The following SLC49A4 variants were observed in gnomAD, a reference collection of about 807,000 sequenced individuals.
SLC49A4 encodes disrupted in renal cancer protein 2.
In SLC49A4, 36 loss-of-function variants were observed where a neutral mutation model predicts 50.6. The observed-to-expected ratio is 0.71, with a 90% CI of 0.55 to 0.94. The LOEUF is 0.94. Among genes scored for constraint, SLC49A4 ranks in the 40% least tolerant of loss-of-function variants. SLC49A4 has a pLI of 0.00. For missense variants in SLC49A4, 503 were observed against 605.7 expected, an observed-to-expected ratio of 0.83 and a Z score of 1.78; for synonymous variants, 248 against 241.2, an observed-to-expected ratio of 1.03 and a Z score of -0.26.
At chr3:122,802,971 A>T (rs902976560) in intron 1 of SLC49A4, among the ~76,000 whole-genome samples, 1 of 152,200 alleles carries the variant, frequency 6.6e-6, no homozygotes, top group Non-Finnish European at 1.5e-5. Flanking sequence ...TCTCATAAGG[A>T]AAAGAGAGAG....
intron 1 of SLC49A4, among the ~76,000 whole-genome samples, chr3:122,796,496 C>T (rs1420625064): frequency 6.6e-6 from 1 of 152,154 alleles, no homozygotes; most frequent in African/African-American, 2.4e-5. Flanking sequence ...GTTCTGGAGG[C>T]TGGGAAGTCC....
At chr3:122,842,478 T>A (rs1247205082) in intron 4 of SLC49A4, among the ~76,000 whole-genome samples, 3 of 80,028 alleles carry the variant, frequency 3.7e-5, no homozygotes, top group African/African-American at 1.6e-4. Context: ...AGAGCGAGAC[T>A]CCGTCTCAAA....
At chr3:122,852,855 C>T (rs1186951200) in intron 5 of SLC49A4, among the ~76,000 whole-genome samples, 1 of 152,158 alleles carries the variant, frequency 6.6e-6, no homozygotes, top group Non-Finnish European at 1.5e-5. Context: ...AAATTGTCTC[C>T]AAATACCGTG....
intron 2 of SLC49A4, 44 bp downstream of exon 2, chr3:122,806,994 TATG>T: frequency 8.2e-7 from 1 of 1,221,796 alleles, no homozygotes. Flanking sequence ...TTCATTTTAT[TATG>T]TGTATAAATT....
At chr3:122,800,479 A>C (rs1165036508) in intron 1 of SLC49A4, among the ~76,000 whole-genome samples, 1 of 152,246 alleles carries the variant, frequency 6.6e-6, no homozygotes, top group Non-Finnish European at 1.5e-5. Flanking sequence ...GAATGTGGGT[A>C]CTAAGGAGGT....
chr3:122,877,804 C>T (rs954574557), intron 8 of SLC49A4, among the ~76,000 whole-genome samples: 36 of 151,428 alleles, frequency 2.4e-4, no homozygotes, highest in African/African-American at 8.5e-4. Context: ...CAGAAAATGC[C>T]CAGTGTGTCA....
chr3:122,797,781 G>T (rs1460154412), intron 1 of SLC49A4, among the ~76,000 whole-genome samples: 1 of 152,174 alleles, frequency 6.6e-6, no homozygotes, highest in Non-Finnish European at 1.5e-5. Context: ...AGGAGTTAGA[G>T]ACCAGCCTGG....
At chr3:122,853,151 C>T (rs1219183828) in intron 5 of SLC49A4, among the ~76,000 whole-genome samples, 1 of 152,184 alleles carries the variant, frequency 6.6e-6, no homozygotes, top group Non-Finnish European at 1.5e-5. Flanking sequence ...GGCGAGGGCT[C>T]ACTCTCTGCT....
chr3:122,845,488 G>T (rs1444493494), intron 4 of SLC49A4, among the ~76,000 whole-genome samples: 3 of 151,960 alleles, frequency 2.0e-5, no homozygotes, highest in Non-Finnish European at 4.4e-5. Context: ...GGGTCAAATG[G>T]TAATTCTCTT....
At chr3:122,830,036 A>G (rs907939476) in intron 3 of SLC49A4, among the ~76,000 whole-genome samples, 1 of 152,242 alleles carries the variant, frequency 6.6e-6, no homozygotes, top group African/African-American at 2.4e-5. Context: ...TCAATTGTCT[A>G]TATATTGGCA....
rs562698514 is a variant in SLC49A4, at chr3:122,795,284, A to AGGCGGC, written c.103_108dup (p.Ala35_Ala36dup). ...CTGGGGGCCTCCTGGAGAAGCCGGGAGGCGGCGGCGGCGGCGCTGCCCGCG... is the reference window on the plus strand; with the variant it reads ...CTGGGGGCCTCCTGGAGAAGCCGGGAGGCGGCGGCGGCGGCGGCGGCGCTGCCCGCG... On this transcript the variant is annotated inframe_insertion, in exon 1 of 9. Coordinates refer to ENST00000261038, the MANE Select transcript of SLC49A4 (RefSeq NM_032839.3). The AGGCGGC allele has an allele frequency of 7.8e-6, 11 of 1,416,220 alleles. No homozygotes were observed. The highest frequency in any genetic ancestry group is 3.0e-5 in the African/African-American group (2 of 65,684). 87.7% of individuals were successfully genotyped at this position (1,416,220 alleles called of 1,614,324 possible). A position where few individuals can be genotyped will look rare whatever the true frequency, so the allele number is the denominator to read the frequency against.
chr3:122,818,665 T>G (rs947150210), intron 2 of SLC49A4, among the ~76,000 whole-genome samples: 1 of 152,130 alleles, frequency 6.6e-6, no homozygotes, highest in African/African-American at 2.4e-5. Context: ...TGAGAGAAAC[T>G]GGGCTTGTTG....
At chr3:122,829,649 C>T (rs1265356855) in intron 3 of SLC49A4, among the ~76,000 whole-genome samples, 2 of 152,192 alleles carry the variant, frequency 1.3e-5, no homozygotes, top group African/African-American at 4.8e-5. Context: ...ACTCGGGAGG[C>T]TGAGGCACGA....
intron 7 of SLC49A4, among the ~76,000 whole-genome samples, chr3:122,866,088 C>T (rs1415483824): frequency 5.3e-5 from 8 of 152,084 alleles, no homozygotes; most frequent in Non-Finnish European, 1.0e-4. Flanking sequence ...CTGGAGTACA[C>T]TGGTGCGACC....
At chr3:122,807,925 T>C (rs887829478) in intron 2 of SLC49A4, among the ~76,000 whole-genome samples, 2 of 152,184 alleles carry the variant, frequency 1.3e-5, no homozygotes, top group Non-Finnish European at 2.9e-5. Flanking sequence ...ATCAGACCTA[T>C]GTTATATTCA....
At chr3:122,845,470 G>T (rs891567177) in intron 4 of SLC49A4, among the ~76,000 whole-genome samples, 3 of 152,154 alleles carry the variant, frequency 2.0e-5, no homozygotes, top group African/African-American at 7.2e-5. Flanking sequence ...ACCCAATAAT[G>T]GATTGCTGGG....
intron 4 of SLC49A4, among the ~76,000 whole-genome samples, chr3:122,834,710 A>C (rs1378013987): frequency 6.6e-5 from 10 of 152,142 alleles, no homozygotes; most frequent in Non-Finnish European, 1.5e-4. Flanking sequence ...AAAAACAAAG[A>C]TCAGAGCAGA....
chr3:122,811,998 C>G (rs535571353), intron 2 of SLC49A4, among the ~76,000 whole-genome samples: 7 of 152,110 alleles, frequency 4.6e-5, no homozygotes, highest in Middle Eastern at 6.8e-3. Flanking sequence ...CTCTGTTGCC[C>G]AGGCTGGAGT....
intron 2 of SLC49A4, among the ~76,000 whole-genome samples, chr3:122,809,124 G>T (rs1671970104): frequency 6.6e-6 from 1 of 152,122 alleles, no homozygotes; most frequent in African/African-American, 2.4e-5. Context: ...ACTTTCTTTT[G>T]GAACAGAATT....
Sources: allele counts gnomAD v4.1 joint callset (sites outside exome capture counted in the v4.1 genomes callset), GRCh38; gene constraint gnomAD v4.1.1; transcripts MANE v1.5; gene names NCBI Gene and HGNC (gene_info 2026-07-23, HGNC 2026-07-21).